The following NCAM2 variants were observed in gnomAD, a reference collection of about 807,000 sequenced individuals.
NCAM2 encodes N-CAM-2.
Under a neutral mutation model 98.1 loss-of-function variants are expected in NCAM2, and 30 were observed. The observed-to-expected ratio is 0.31, with a 90% confidence interval of 0.23 to 0.41. The LOEUF is 0.41. Ranked by LOEUF, NCAM2 falls within the 10% of genes least tolerant of loss-of-function variation. The pLI, the probability that NCAM2 is intolerant of heterozygous loss-of-function variation, is 1.00. For synonymous variants in NCAM2, 368 were observed against 342.4 expected (o/e 1.07, Z -0.83); for missense variants, 867 against 1,005.8 (o/e 0.86, Z 1.87).
At chr21:21,092,198 C>T (rs1434462511) in intron 1 of NCAM2, among the ~76,000 whole-genome samples, 1 of 151,942 alleles carries the variant, frequency 6.6e-6, no homozygotes, top group Non-Finnish European at 1.5e-5. Context: ...CTAAGAGTTA[C>T]TTAAAATATA....
intron 1 of NCAM2, among the ~76,000 whole-genome samples, chr21:21,042,014 T>C (rs761313961): frequency 1.3e-5 from 2 of 152,300 alleles, no homozygotes; most frequent in Non-Finnish European, 2.9e-5. Context: ...TAATTTTAAG[T>C]GCAGTAGAAC....
At chr21:21,366,831 C>A (rs1568985278) in intron 8 of NCAM2, among the ~76,000 whole-genome samples, 1 of 152,010 alleles carries the variant, frequency 6.6e-6, no homozygotes, top group Non-Finnish European at 1.5e-5. Flanking sequence ...TTTTAAGTAT[C>A]ACACTTTATC....
chr21:21,224,819 A>C (rs2070315752), intron 1 of NCAM2, among the ~76,000 whole-genome samples: 1 of 152,162 alleles, frequency 6.6e-6, no homozygotes, highest in Non-Finnish European at 1.5e-5. Context: ...CATTAAAACC[A>C]ATGATGAAAT....
chr21:21,111,236 A>G (rs1264918244), intron 1 of NCAM2, among the ~76,000 whole-genome samples: 1 of 152,172 alleles, frequency 6.6e-6, no homozygotes, highest in Non-Finnish European at 1.5e-5. Flanking sequence ...ACAAGTTTTG[A>G]TTATTCTATT....
rs1379473397 is a variant in NCAM2 at position 21,541,676 on chromosome 21, A to G, written c.*3719A>G. 2.0e-5 allele frequency: 3 copies of G among 151,738 alleles called. No homozygotes were observed. The highest frequency in any genetic ancestry group is 4.4e-5 in the Non-Finnish European group (3 of 67,760). The allele number at this position is 151,738 out of a possible 1,614,324, so 9.4% of individuals were successfully genotyped here. A position where few individuals can be genotyped will look rare whatever the true frequency, so the allele number is the denominator to read the frequency against. On this transcript the variant is annotated 3_prime_UTR_variant, in exon 18 of 18. Coordinates refer to ENST00000400546, the MANE Select transcript of NCAM2 (RefSeq NM_004540.5). ...GGCAATAAGATTATCACTGACGAAA[A>G]TATGTACAGTTCAAGAAGTAGAAAT... is the stretch of plus-strand genomic sequence containing the variant.
At chr21:21,044,732 A>G (rs1317740653) in intron 1 of NCAM2, among the ~76,000 whole-genome samples, 1 of 152,126 alleles carries the variant, frequency 6.6e-6, no homozygotes, top group Non-Finnish European at 1.5e-5. Context: ...TTGGGAGGCC[A>G]AGGTGGGAAG....
At chr21:21,254,324 G>T (rs368494045) in intron 1 of NCAM2, among the ~76,000 whole-genome samples, 2 of 152,106 alleles carry the variant, frequency 1.3e-5, no homozygotes, top group Non-Finnish European at 2.9e-5. Flanking sequence ...CTATTAAGTC[G>T]CAACGCCAGC....
chr21:21,538,127 GTTA>G lies in NCAM2; in HGVS notation c.*173_*175del, dbSNP rs1166512928. The G allele has an allele frequency of 5.2e-6, 2 of 385,338 alleles. No homozygotes were observed. The highest frequency in any genetic ancestry group is 3.9e-5 in the East Asian group (1 of 25,678). 23.9% of individuals were successfully genotyped at this position (385,338 alleles called of 1,614,324 possible). ...TCCTGCCCATGATCCATTCCCTTTT[GTTA>G]TTGTTGTTGTTGTTGCTGTTGTTGT... is the stretch of plus-strand genomic sequence containing the variant. On this transcript the variant is annotated 3_prime_UTR_variant, in exon 18 of 18. Coordinates refer to ENST00000400546, the MANE Select transcript of NCAM2 (RefSeq NM_004540.5).
At chr21:21,035,557 G>A (rs1000892911) in intron 1 of NCAM2, among the ~76,000 whole-genome samples, 2 of 152,148 alleles carry the variant, frequency 1.3e-5, no homozygotes, top group African/African-American at 2.4e-5. Flanking sequence ...GTTTAGTGCT[G>A]TGTAATTAAT....
intron 1 of NCAM2, among the ~76,000 whole-genome samples, chr21:21,183,750 G>C (rs1247388115): frequency 1.3e-5 from 2 of 151,974 alleles, no homozygotes; most frequent in African/African-American, 4.8e-5. Context: ...TCTATGCATT[G>C]TTATATTCTT....
intron 8 of NCAM2, among the ~76,000 whole-genome samples, chr21:21,338,930 G>A (rs890383915): frequency 3.9e-5 from 6 of 152,036 alleles, no homozygotes; most frequent in Admixed American, 3.9e-4. Context: ...TTAAAAACAG[G>A]AATAAAGATT....
intron 1 of NCAM2, among the ~76,000 whole-genome samples, chr21:21,110,940 A>G (rs370419853): frequency 1.3e-5 from 2 of 152,222 alleles, no homozygotes; most frequent in South Asian, 4.1e-4. Context: ...TTTTTTAATA[A>G]CAATAATTGA....
chr21:21,091,897 G>A (rs537492228), intron 1 of NCAM2, among the ~76,000 whole-genome samples: 2 of 152,130 alleles, frequency 1.3e-5, no homozygotes, highest in East Asian at 3.9e-4. Flanking sequence ...AATGTTCACA[G>A]CGACATCTTG....
chr21:21,309,135 A>G (rs1490079227), intron 5 of NCAM2, among the ~76,000 whole-genome samples: 2 of 152,160 alleles, frequency 1.3e-5, no homozygotes, highest in Admixed American at 6.5e-5. Flanking sequence ...GTTATTGTGT[A>G]CTATCATCTG....
chr21:21,506,718 C>T (rs193142868), intron 15 of NCAM2, among the ~76,000 whole-genome samples: 22 of 152,126 alleles, frequency 1.4e-4, no homozygotes, highest in East Asian at 3.9e-4. Context: ...AGAAAATTCC[C>T]GGATACTAGC....
At chr21:21,520,198 G>A (rs1988937106) in intron 16 of NCAM2, among the ~76,000 whole-genome samples, 1 of 152,006 alleles carries the variant, frequency 6.6e-6, no homozygotes. Context: ...TCTAACTTCT[G>A]TGAATACAAC....
Position 21,509,009 on chromosome 21 carries a change from T to G in NCAM2, c.2236T>G (p.Ser746Ala). The change falls in exon 16 of 18, where the codon TCC becomes GCC. Residue 746 changes from serine to alanine, a missense_variant. Physicochemically the swap from Ser to Ala is moderately conservative, Grantham distance 99 (BLOSUM62 1). Coordinates refer to ENST00000400546, the MANE Select transcript of NCAM2 (RefSeq NM_004540.5). The part of the protein sequence containing the change: ...TRRMCGKKSG[S>A]SGKSKELEEG... ...GAGAATGTGTGGAAAGAAAAGTGGC[T>G]CCAGTGGCAAAAGTAAAGAACTCGA... is the stretch of plus-strand genomic sequence containing the variant. The G allele has an allele frequency of 6.2e-7, 1 of 1,613,498 alleles. No individual in the cohort carries two copies. The highest frequency in any genetic ancestry group is 8.5e-7 in the Non-Finnish European group (1 of 1,179,738).
chr21:21,400,554 G>T (rs1437325863), intron 9 of NCAM2, among the ~76,000 whole-genome samples: 3 of 150,338 alleles, frequency 2.0e-5, no homozygotes, highest in Non-Finnish European at 4.4e-5. Flanking sequence ...GTCTCTTTTT[G>T]TCTGTTTGAA....
chr21:21,154,297 T>C (rs1352836105), intron 1 of NCAM2, among the ~76,000 whole-genome samples: 1 of 151,904 alleles, frequency 6.6e-6, no homozygotes, highest in Non-Finnish European at 1.5e-5. Context: ...TGGTAAAGAA[T>C]GCAGTATGTG....
Sources: allele counts gnomAD v4.1 joint callset (sites outside exome capture counted in the v4.1 genomes callset), GRCh38; gene constraint gnomAD v4.1.1; transcripts MANE v1.5; gene names NCBI Gene and HGNC (gene_info 2026-07-23, HGNC 2026-07-21).